ZBTB7C: variants seen among roughly 807,000 people sequenced by gnomAD.
ZBTB7C encodes zinc finger and BTB domain-containing protein 7C.
A neutral mutation model predicts 25.7 loss-of-function variants in ZBTB7C; 8 were observed. That is an observed-to-expected ratio of 0.31 (90% confidence interval 0.18 to 0.56). The LOEUF (loss-of-function observed/expected upper bound fraction) is 0.56, where lower values mean the gene tolerates loss of function less well. ZBTB7C is among the 20% of genes least tolerant of loss of function. The probability of loss-of-function intolerance (pLI) is 0.91; values close to 1 mark genes in which losing one functional copy is unlikely to be tolerated. For synonymous variants in ZBTB7C, 394 were observed against 369.0 expected (o/e 1.07, Z -0.78); for missense variants, 824 against 855.2 (o/e 0.96, Z 0.46).
chr18:48,411,022 C>G (rs547221164), upstream of ZBTB7C, among the ~76,000 whole-genome samples: 1 of 151,644 alleles, frequency 6.6e-6, no homozygotes, highest in Non-Finnish European at 1.5e-5. Flanking sequence ...ACCTTTGGTG[C>G]CTCTTCCTAA....
intron 2 of ZBTB7C, among the ~76,000 whole-genome samples, chr18:48,332,993 G>T (rs780348192): frequency 6.6e-6 from 1 of 152,058 alleles, no homozygotes; most frequent in Non-Finnish European, 1.5e-5. Flanking sequence ...TAATTAAATA[G>T]TAAGATCTCT....
intron 2 of ZBTB7C, among the ~76,000 whole-genome samples, chr18:48,198,779 G>A (rs975502049): frequency 2.0e-5 from 3 of 152,198 alleles, no homozygotes; most frequent in Non-Finnish European, 2.9e-5. Context: ...CTTCTGCCGT[G>A]TAACCTAACA....
At chr18:48,386,945 T>C (rs2047762488) in intron 1 of ZBTB7C, among the ~76,000 whole-genome samples, 1 of 152,236 alleles carries the variant, frequency 6.6e-6, no homozygotes, top group African/African-American at 2.4e-5. Context: ...GTTGTCGCTC[T>C]GCTTTCTCAC....
In ZBTB7C at chr18:48,040,188, T is replaced by A. The variant is rs1161634496; in HGVS notation, c.920A>T (p.Asn307Ile). 1.3e-6 allele frequency: 2 copies of A among 1,574,768 alleles called. No homozygotes were observed. The highest frequency in any genetic ancestry group is 1.7e-6 in the Non-Finnish European group (2 of 1,161,790). ...LPPPPPPPFP[N>I]DFFKDMFPDL... ...AGGGAACATGTCCTTGAAGAAGTCA[T>A]TAGGGAAGGGTGGCGGTGGGGGTGG... Residue 307 changes from asparagine (N) to isoleucine (I), a missense_variant, in exon 4 of 5, where the codon AAT (asparagine) becomes ATT (isoleucine). By Grantham distance (149) the Asn-to-Ile change is moderately radical. Coordinates refer to ENST00000590800, the MANE Select transcript of ZBTB7C (RefSeq NM_001318841.2).
intron 4 of ZBTB7C, among the ~76,000 whole-genome samples, chr18:48,037,772 A>C (rs534320195): frequency 6.6e-6 from 1 of 152,200 alleles, no homozygotes; most frequent in Non-Finnish European, 1.5e-5. Context: ...GGGGGCAGGC[A>C]TGGGCAGTTA....
intron 1 of ZBTB7C, among the ~76,000 whole-genome samples, chr18:48,347,865 G>A (rs72913578): frequency 0.063 from 9,529 of 152,264 alleles, 338 homozygotes; most frequent in Non-Finnish European, 0.074. Context: ...AAACACCGAA[G>A]TCACCTTGAG....
At chr18:48,274,337 T>G (rs937890433) in intron 2 of ZBTB7C, among the ~76,000 whole-genome samples, 3 of 152,172 alleles carry the variant, frequency 2.0e-5, no homozygotes, top group Non-Finnish European at 4.4e-5. Context: ...TGTTTTTGTT[T>G]TGTCTTGTTT....
chr18:48,256,776 A>T (rs1299036357), intron 2 of ZBTB7C, among the ~76,000 whole-genome samples: 1 of 152,080 alleles, frequency 6.6e-6, no homozygotes, highest in Non-Finnish European at 1.5e-5. Flanking sequence ...AAAGTGGTAT[A>T]ATATCATTTG....
Position 48,027,898 on chromosome 18 carries a change from CAAGAACCAG to C in ZBTB7C, c.*1353_*1361del. ...TCCTTTTCAGGACCTGCTGCAAATT[CAAGAACCAG>C]GAGAACATGTGACAACTCTAACTCA... On this transcript the variant is annotated 3_prime_UTR_variant, in exon 5 of 5. Transcript: ENST00000590800. 1 of 152,358 alleles carries C rather than the reference CAAGAACCAG, an allele frequency of 6.6e-6. No individual in the cohort carries two copies. The highest frequency in any genetic ancestry group is 1.9e-4 in the East Asian group (1 of 5,180). 9.4% of individuals were successfully genotyped at this position (152,358 alleles called of 1,614,324 possible).
At chr18:48,093,190 C>T (rs1403674138) in intron 3 of ZBTB7C, among the ~76,000 whole-genome samples, 1 of 152,192 alleles carries the variant, frequency 6.6e-6, no homozygotes, top group African/African-American at 2.4e-5. Context: ...GGAGCTGGGC[C>T]CACAGAGTAG....
At chr18:48,283,433 A>G (rs2044934329) in intron 2 of ZBTB7C, among the ~76,000 whole-genome samples, 1 of 152,216 alleles carries the variant, frequency 6.6e-6, no homozygotes, top group Admixed American at 6.5e-5. Context: ...ATTTGGAAAT[A>G]AATAAATGCA....
chr18:48,220,263 G>C (rs2042918013), intron 2 of ZBTB7C, among the ~76,000 whole-genome samples: 1 of 152,180 alleles, frequency 6.6e-6, no homozygotes, highest in South Asian at 2.1e-4. Context: ...CACAGACCCA[G>C]GATGGAGAGG....
At chr18:48,127,152 G>A (rs549388213) in intron 3 of ZBTB7C, among the ~76,000 whole-genome samples, 2 of 152,266 alleles carry the variant, frequency 1.3e-5, no homozygotes, top group East Asian at 3.9e-4. Flanking sequence ...GGAAACTGTA[G>A]CACAGAGAGG....
intron 2 of ZBTB7C, among the ~76,000 whole-genome samples, chr18:48,246,448 AAAT>A (rs973934580): frequency 6.6e-6 from 1 of 151,042 alleles, no homozygotes; most frequent in Non-Finnish European, 1.5e-5. Context: ...ATAAATAATA[AAAT>A]AATAATAATA....
At chr18:48,269,006 G>A (rs2044397089) in intron 2 of ZBTB7C, among the ~76,000 whole-genome samples, 2 of 148,712 alleles carry the variant, frequency 1.3e-5, no homozygotes, top group South Asian at 4.3e-4. Context: ...TGCTGCCCAG[G>A]TTGGAGTTCA....
At chr18:48,250,147 C>G (rs994875457) in intron 2 of ZBTB7C, among the ~76,000 whole-genome samples, 8 of 152,168 alleles carry the variant, frequency 5.3e-5, no homozygotes, top group Non-Finnish European at 1.2e-4. Flanking sequence ...GCGCAGGGGT[C>G]AAGTGGTTCC....
chr18:48,293,393 C>T (rs62086487), intron 2 of ZBTB7C, among the ~76,000 whole-genome samples: 3 of 152,188 alleles, frequency 2.0e-5, no homozygotes, highest in Non-Finnish European at 4.4e-5. Context: ...AATATCATCA[C>T]ATTAGGAATT....
At chr18:48,129,687 C>T (rs2039927208) in intron 3 of ZBTB7C, among the ~76,000 whole-genome samples, 1 of 152,228 alleles carries the variant, frequency 6.6e-6, no homozygotes, top group South Asian at 2.1e-4. Flanking sequence ...CACGGCACTG[C>T]ATGGAGGCCT....
intron 2 of ZBTB7C, among the ~76,000 whole-genome samples, chr18:48,323,217 A>C (rs1331436182): frequency 6.6e-6 from 1 of 152,254 alleles, no homozygotes; most frequent in African/African-American, 2.4e-5. Flanking sequence ...TCAATTTAAA[A>C]AAAAGCCAGA....
Sources: allele counts gnomAD v4.1 joint callset (sites outside exome capture counted in the v4.1 genomes callset), GRCh38; gene constraint gnomAD v4.1.1; transcripts MANE v1.5; gene names NCBI Gene and HGNC (gene_info 2026-07-23, HGNC 2026-07-21).